The following FRG2C variants were observed in gnomAD, a reference collection of about 807,000 sequenced individuals.
FRG2C encodes FSHD region gene 2 family member C, also known as protein FRG2-like-2.
FRG2C carries 8 observed loss-of-function variants against 14.1 expected under a neutral mutation model. The observed-to-expected ratio is 0.57, with a 90% CI of 0.33 to 1.02. FRG2C has a LOEUF of 1.02. Ranked by LOEUF, FRG2C falls within the 50% of genes least tolerant of loss-of-function variation. The pLI is 0.03. For missense variants in FRG2C, 214 were observed against 334.2 expected (o/e 0.64, Z 2.80); for synonymous variants, 92 against 127.4 (o/e 0.72, Z 1.87).
rs1937052129 is a variant in FRG2C, at chr3:75,665,184, T to C, written c.315T>C (p.Asp105=). 10 of 1,614,192 alleles carry C rather than the reference T, an allele frequency of 6.2e-6. No homozygotes were observed. The highest frequency in any genetic ancestry group is 8.5e-6 in the Non-Finnish European group (10 of 1,179,942). Residue 105 remains aspartate, a synonymous_variant, in exon 3 of 4, where the codon GAT becomes GAC. Coordinates refer to ENST00000308062, the MANE Select transcript of FRG2C (RefSeq NM_001124759.5). The part of the protein sequence containing the change: ...NCRKRKISSK[D]ICQDRAGNCP... ...GGAAAAGAAAAATCAGTTCCAAGGA[T>C]ATCTGCCAAGACAGAGCAGGTAGAA...
chr3:75,666,184 T>C lies in FRG2C; in HGVS notation c.*143T>C. 1 of 1,526,736 alleles carries C rather than the reference T, an allele frequency of 6.5e-7. No individual in the cohort carries two copies. Among genetic ancestry groups the C allele is most frequent in the Non-Finnish European group, 8.8e-7 (1 of 1,139,108 alleles). 94.6% of individuals were successfully genotyped at this position (1,526,736 alleles called of 1,614,324 possible). On this transcript the variant is annotated 3_prime_UTR_variant, in exon 4 of 4. Coordinates refer to ENST00000308062, the MANE Select transcript of FRG2C (RefSeq NM_001124759.5). ...CTGAAGAAGTCATAGGAAAGAAACT[T>C]GAGCGGTATACTCAGAATGGTGAGC...
In FRG2C at chr3:75,666,220, G is replaced by T. The variant is rs1937099626; in HGVS notation, c.*179G>T. 1 of 1,390,656 alleles carries T rather than the reference G, an allele frequency of 7.2e-7. No individual in the cohort carries two copies. Among genetic ancestry groups the T allele is most frequent in the South Asian group, 1.5e-5 (1 of 66,904 alleles). The allele number at this position is 1,390,656 out of a possible 1,614,324, so 86.1% of individuals were successfully genotyped here. ...CTCAGAATGGTGAGCCCTGAATTTT[G>T]CAGACCGCTAAGGCTATAGACAAAT... On this transcript the variant is annotated 3_prime_UTR_variant, in exon 4 of 4. Coordinates refer to ENST00000308062, the MANE Select transcript of FRG2C (RefSeq NM_001124759.5).
rs1937024499 is a variant in FRG2C, at chr3:75,664,408, T to C, written c.29T>C (p.Leu10Pro). Residue 10 changes from leucine (L) to proline (P), a missense_variant, in exon 1 of 4, where the codon CTC becomes CCC. Physicochemically the swap from Leu to Pro is moderately conservative, Grantham distance 98 (BLOSUM62 -3). Transcript: ENST00000308062. Reference protein sequence around the residue: MGKGNEDPDLHCSSIQCSTD... With the variant: MGKGNEDPDPHCSSIQCSTD... The stretch of plus-strand genomic sequence containing the variant: ...GGAAAGGGAAATGAAGACCCCGATC[T>C]CCACTGTTCCTCCATCCAGTGCTCC... 6.2e-7 allele frequency: 1 copy of C among 1,612,022 alleles called. No individual in the cohort carries two copies. The highest frequency in any genetic ancestry group is 8.5e-7 in the Non-Finnish European group (1 of 1,179,890).
Position 75,665,534 on chromosome 3 carries a change from T to C in FRG2C, c.342T>C (p.Cys114=), listed in dbSNP as rs1185610342. 1.7e-5 allele frequency: 28 copies of C among 1,613,546 alleles called. No homozygotes were observed. The highest frequency in any genetic ancestry group is 2.2e-5 in the Non-Finnish European group (26 of 1,179,694). The change falls in exon 4 of 4, where the codon TGT becomes TGC. Residue 114 remains cysteine (C), a synonymous_variant. Coordinates refer to ENST00000308062, the MANE Select transcript of FRG2C (RefSeq NM_001124759.5). ...CACATGCTTTCTTTGCAGGGAACTG[T>C]CCAGAAGAGGAGTGCAACTTGACGT... is the stretch of plus-strand genomic sequence containing the variant. ...KDICQDRAGN[C]PEEECNLTLN...
In FRG2C at chr3:75,665,035, G is replaced by A. The variant is rs59911589; in HGVS notation, c.257-91G>A. 1.8e-3 allele frequency: 2,820 copies of A among 1,571,530 alleles called. 13 individuals carry two copies. In the African/African-American group the frequency reaches 0.034, roughly 19 times the overall value. ...GAACAGAAGAGAGCTGGGGTTTGGC[G>A]GTAACCTCAGCTCCTGTGTGTCCAG... is the stretch of plus-strand genomic sequence containing the variant. On this transcript the variant is annotated intron_variant, in intron 2 of 3. Transcript: ENST00000308062.
Position 75,665,164 on chromosome 3 carries a change from A to T in FRG2C, c.295A>T (p.Arg99Ter). 3 of 1,614,200 alleles carry T rather than the reference A, an allele frequency of 1.9e-6. No homozygotes were observed. The highest frequency in any genetic ancestry group is 2.5e-6 in the Non-Finnish European group (3 of 1,179,958). ...CTCATATCAGGAAAACTGCAGGAAA[A>T]GAAAAATCAGTTCCAAGGATATCTG... The part of the protein sequence containing the change: ...SSSYQENCRK[R>*]KISSKDICQD... Residue 99 changes from arginine to a stop codon, truncating the protein, a stop_gained, in exon 3 of 4, where the codon AGA becomes TGA. Transcript: ENST00000308062. LOFTEE classifies it low-confidence loss of function (END_TRUNC).
rs1937022345 is a variant in FRG2C, at chr3:75,664,353, G to A, written c.-27G>A. ...ACACTCTGCCTTTGGACATGTGAGAGAGCGCACCTTTCACTTGAGCTTCAA... is the reference window on the plus strand; with the variant it reads ...ACACTCTGCCTTTGGACATGTGAGAAAGCGCACCTTTCACTTGAGCTTCAA... On this transcript the variant is annotated 5_prime_UTR_variant, in exon 1 of 4. Coordinates refer to ENST00000308062, the MANE Select transcript of FRG2C (RefSeq NM_001124759.5). 1 of 1,611,996 alleles carries A rather than the reference G, an allele frequency of 6.2e-7. No homozygotes were observed. Among genetic ancestry groups the A allele is most frequent in the South Asian group, 1.1e-5 (1 of 91,000 alleles).
chr3:75,665,253 T>A, intron 3 of FRG2C, 50 bp downstream of exon 3: 1 of 1,600,950 alleles, frequency 6.2e-7, no homozygotes, highest in Non-Finnish European at 8.6e-7. Flanking sequence ...GTTTTTTTGT[T>A]TTTGGTTTGC....
chr3:75,665,706 C>G lies in FRG2C; in HGVS notation c.514C>G (p.Leu172Val). The change falls in exon 4 of 4, where the codon CTT (leucine) becomes GTT (valine). Residue 172 changes from leucine (L) to valine (V), a missense_variant. This residue lies in a region of FRG2C where 136 missense variants were observed against 148.1 expected (regional missense o/e 0.92). Transcript: ENST00000308062. ...SRALEVQTPS[L>V]RKSLVTSVRA... ...GGCCCTAGAAGTCCAAACACCGTCA[C>G]TTCGAAAAAGCTTGGTGACCTCTGT... 6.2e-7 allele frequency: 1 copy of G among 1,614,086 alleles called. No individual in the cohort carries two copies. Among genetic ancestry groups the G allele is most frequent in the East Asian group, 2.2e-5 (1 of 44,896 alleles).
chr3:75,665,524 C>T lies in FRG2C; in HGVS notation c.335-3C>T, dbSNP rs1399259213. ...GTGAGTCTCTCACATGCTTTCTTTGCAGGGAACTGTCCAGAAGAGGAGTGC... is the reference window on the plus strand; with the variant it reads ...GTGAGTCTCTCACATGCTTTCTTTGTAGGGAACTGTCCAGAAGAGGAGTGC... On this transcript the variant is annotated splice_region_variant and splice_polypyrimidine_tract_variant and intron_variant, in intron 3 of 3. Transcript: ENST00000308062. The T allele has an allele frequency of 3.2e-5, 52 of 1,611,608 alleles. No homozygotes were observed. Among genetic ancestry groups the T allele is most frequent in the Admixed American group, 1.5e-4 (9 of 59,796 alleles).
Position 75,666,242 on chromosome 3 carries a change from A to G in FRG2C, c.*201A>G. The G allele has an allele frequency of 8.6e-7, 1 of 1,166,174 alleles. No individual in the cohort carries two copies. Among genetic ancestry groups the G allele is most frequent in the Non-Finnish European group, 1.2e-6 (1 of 844,982 alleles). 72.2% of individuals were successfully genotyped at this position (1,166,174 alleles called of 1,614,324 possible). A position where few individuals can be genotyped will look rare whatever the true frequency, so the allele number is the denominator to read the frequency against. On this transcript the variant is annotated 3_prime_UTR_variant, in exon 4 of 4. Coordinates refer to ENST00000308062, the MANE Select transcript of FRG2C (RefSeq NM_001124759.5). The stretch of plus-strand genomic sequence containing the variant: ...TTTGCAGACCGCTAAGGCTATAGAC[A>G]AATTTTATATTTCATGTTAGACATT...
chr3:75,665,648 T>C lies in FRG2C; in HGVS notation c.456T>C (p.Ala152=), dbSNP rs1937071072. ...CCCACCATAGGGGAAGTTCCAGGGC[T>C]TGCACTGGGCGCAGCAAGCGGCATA... The part of the protein sequence containing the change: ...CDAHHRGSSR[A]CTGRSKRHRS... The change falls in exon 4 of 4, where the codon GCT becomes GCC. Residue 152 remains alanine (A), a synonymous_variant. Transcript: ENST00000308062. 6.2e-7 allele frequency: 1 copy of C among 1,614,060 alleles called. No individual in the cohort carries two copies.
At position 75,665,675 on chromosome 3, in the gene FRG2C, G is replaced by A. The variant is rs1266685573; in HGVS notation, c.483G>A (p.Arg161=). The change falls in exon 4 of 4, where the codon AGG becomes AGA. Residue 161 remains arginine (R), a synonymous_variant. Transcript: ENST00000308062. ...RACTGRSKRH[R]SRALEVQTPS... ...GCACTGGGCGCAGCAAGCGGCATAG[G>A]TCTCGGGCCCTAGAAGTCCAAACAC... 7.5e-6 allele frequency: 11 copies of A among 1,464,260 alleles called. No individual in the cohort carries two copies. The highest frequency in any genetic ancestry group is 9.9e-6 in the Non-Finnish European group (11 of 1,112,290). 90.7% of individuals were successfully genotyped at this position (1,464,260 alleles called of 1,614,324 possible). A position where few individuals can be genotyped will look rare whatever the true frequency, so the allele number is the denominator to read the frequency against.
chr3:75,667,154 A>C lies in FRG2C; in HGVS notation c.*1113A>C, dbSNP rs1410671920. Reference sequence around the variant, plus strand: ...TTATGTAATAATGAAATAAACATTAATGTTGTTTGGAATTTTAAATTTCTT... The same window carrying C: ...TTATGTAATAATGAAATAAACATTACTGTTGTTTGGAATTTTAAATTTCTT... On this transcript the variant is annotated 3_prime_UTR_variant, in exon 4 of 4. Coordinates refer to ENST00000308062, the MANE Select transcript of FRG2C (RefSeq NM_001124759.5). 1 of 152,258 alleles carries C rather than the reference A, an allele frequency of 6.6e-6. No homozygotes were observed. The highest frequency in any genetic ancestry group is 1.5e-5 in the Non-Finnish European group (1 of 68,014). 9.4% of individuals were successfully genotyped at this position (152,258 alleles called of 1,614,324 possible).
chr3:75,664,337 C>G lies in FRG2C; in HGVS notation c.-43C>G. ...TCTAGCAGACTAACCCACACTCTGC[C>G]TTTGGACATGTGAGAGAGCGCACCT... On this transcript the variant is annotated 5_prime_UTR_variant, in exon 1 of 4. Coordinates refer to ENST00000308062, the MANE Select transcript of FRG2C (RefSeq NM_001124759.5). 1 of 1,612,058 alleles carries G rather than the reference C, an allele frequency of 6.2e-7. No individual in the cohort carries two copies. Among genetic ancestry groups the G allele is most frequent in the Non-Finnish European group, 8.5e-7 (1 of 1,179,864 alleles).
Position 75,665,726 on chromosome 3 carries a change from C to T in FRG2C, c.534C>T (p.Thr178=), listed in dbSNP as rs59263536. ...QTPSLRKSLV[T]SVRAMSEAVY... The stretch of plus-strand genomic sequence containing the variant: ...CGTCACTTCGAAAAAGCTTGGTGAC[C>T]TCTGTGCGAGCTATGTCGGAGGCTG... Residue 178 remains threonine (T), a synonymous_variant, in exon 4 of 4, where the codon ACC becomes ACT. Transcript: ENST00000308062. 2.3e-3 allele frequency: 3,743 copies of T among 1,613,814 alleles called. No homozygotes were observed. In the East Asian group the frequency reaches 0.059, roughly 25 times the overall value.
rs1937043246 is a variant in FRG2C, at chr3:75,664,857, G to A, written c.217G>A (p.Glu73Lys). The A allele has an allele frequency of 1.2e-6, 2 of 1,614,168 alleles. No individual in the cohort carries two copies. Among genetic ancestry groups the A allele is most frequent in the Admixed American group, 1.7e-5 (1 of 60,014 alleles). The change falls in exon 2 of 4, where the codon GAA becomes AAA. Residue 73 changes from glutamate to lysine, a missense_variant. Glu to Lys is a moderately conservative substitution (Grantham distance 56). This residue lies in a region of FRG2C where 136 missense variants were observed against 148.1 expected (regional missense o/e 0.92). Coordinates refer to ENST00000308062, the MANE Select transcript of FRG2C (RefSeq NM_001124759.5). ...CAATCCAAACAAGGAGAATTCTGAG[G>A]AAACCAAGCTCAAGGCCGGGAACAG... The part of the protein sequence containing the change: ...DPNPNKENSE[E>K]TKLKAGNSTA...
Position 75,666,011 on chromosome 3 carries a change from A to G in FRG2C, c.819A>G (p.Gly273=). The G allele has an allele frequency of 1.9e-6, 3 of 1,612,148 alleles. No homozygotes were observed. The Admixed American group carries it at 5.0e-5, about 27-fold the overall frequency. ...PGQEITEPVS[G]SDEAKLGAP ...AGGAGATAACTGAGCCTGTCAGTGG[A>G]TCAGATGAGGCTAAGCTGGGAGCAC... Residue 273 remains glycine, a synonymous_variant, in exon 4 of 4, where the codon GGA becomes GGG. Transcript: ENST00000308062.
In FRG2C at chr3:75,666,043, C is replaced by G. The variant is rs1291990134; in HGVS notation, c.*2C>G. On this transcript the variant is annotated 3_prime_UTR_variant, in exon 4 of 4. Transcript: ENST00000308062. ...GAGGCTAAGCTGGGAGCACCCTGAC[C>G]CTATTCAGCAGAGATGCAGCTCTGG... 7 of 1,612,254 alleles carry G rather than the reference C, an allele frequency of 4.3e-6. No homozygotes were observed. In the East Asian group the frequency reaches 1.6e-4, roughly 36 times the overall value.
Sources: gnomAD v4.1 joint callset for allele counts on GRCh38, gnomAD v4.1.1 for gene constraint, gnomAD v4.1.1 regional missense constraint, MANE v1.5 for transcripts, NCBI Gene and HGNC (gene_info 2026-07-23, HGNC 2026-07-21) for gene names.